LRBA: variants seen among roughly 807,000 people sequenced by gnomAD.
The protein encoded by LRBA is lipopolysaccharide-responsive and beige-like anchor protein.
Under a neutral mutation model 330.0 loss-of-function variants are expected in LRBA, and 176 were observed. The ratio of observed to expected loss-of-function variants is 0.53; its 90% confidence interval spans 0.47 to 0.60. The LOEUF (loss-of-function observed/expected upper bound fraction) is 0.60. LRBA is among the 20% of genes least tolerant of loss of function. The pLI is 0.00. For synonymous variants in LRBA, 1,230 were observed against 1,193.0 expected (o/e 1.03, Z -0.64); for missense variants, 3,259 against 3,444.8 (o/e 0.95, Z 1.35).
chr4:150,551,576 G>A (rs1766595106), intron 40 of LRBA, among the ~76,000 whole-genome samples: 1 of 152,126 alleles, frequency 6.6e-6, no homozygotes, highest in African/African-American at 2.4e-5. Flanking sequence ...CTACTCAGGG[G>A]AGGATCACTA....
chr4:150,612,099 C>T (rs2126581589), intron 37 of LRBA, among the ~76,000 whole-genome samples: 1 of 152,180 alleles, frequency 6.6e-6, no homozygotes, highest in African/African-American at 2.4e-5. Context: ...GATGGGGTTT[C>T]GCCCCTTTGC....
intron 50 of LRBA, among the ~76,000 whole-genome samples, chr4:150,317,506 C>A (rs1001994967): frequency 1.3e-5 from 2 of 152,084 alleles, no homozygotes; most frequent in East Asian, 1.9e-4. Context: ...TTAAAAAAAA[C>A]CCAAAAGGTA....
At chr4:150,958,282 C>T (rs1396001501) in intron 2 of LRBA, among the ~76,000 whole-genome samples, 3 of 149,042 alleles carry the variant, frequency 2.0e-5, no homozygotes, top group African/African-American at 7.8e-5. Context: ...CCCAAAGGCC[C>T]GACACCACAC....
intron 34 of LRBA, among the ~76,000 whole-genome samples, chr4:150,779,868 TAAAGA>T (rs1737928963): frequency 6.6e-6 from 1 of 152,140 alleles, no homozygotes; most frequent in Admixed American, 6.5e-5. Context: ...AATAAAAATC[TAAAGA>T]AAACAGATTA....
chr4:150,898,658 T>TAAG (rs5862942), intron 14 of LRBA, among the ~76,000 whole-genome samples: 136,846 of 151,884 alleles, frequency 0.9, 63,263 homozygotes, highest in East Asian at 1. Context: ...AAAAAAATAA[T>TAAG]AAGACTAGAG....
chr4:150,397,192 A>AT (rs1193907200), intron 47 of LRBA, among the ~76,000 whole-genome samples: 2 of 152,108 alleles, frequency 1.3e-5, no homozygotes, highest in Non-Finnish European at 2.9e-5. Context: ...AAATTTTCAT[A>AT]TTTTTTCTGA....
intron 36 of LRBA, among the ~76,000 whole-genome samples, chr4:150,701,420 A>C (rs1037897291): frequency 1.3e-5 from 2 of 152,232 alleles, no homozygotes; most frequent in South Asian, 4.1e-4. Flanking sequence ...ATTGTGCTGC[A>C]CTTTCATACG....
chr4:150,440,347 T>C (rs938032741), intron 44 of LRBA, among the ~76,000 whole-genome samples: 3 of 151,966 alleles, frequency 2.0e-5, no homozygotes, highest in Non-Finnish European at 4.4e-5. Context: ...TAAATAGAAT[T>C]ATAGAAGGTT....
At chr4:150,450,236 CA>C (rs1271991043) in intron 44 of LRBA, among the ~76,000 whole-genome samples, 5 of 152,182 alleles carry the variant, frequency 3.3e-5, no homozygotes, top group Non-Finnish European at 7.4e-5. Flanking sequence ...AAAAAAATAA[CA>C]ATTTGAAGAG....
intron 35 of LRBA, among the ~76,000 whole-genome samples, chr4:150,747,418 A>C (rs1446627331): frequency 5.9e-5 from 9 of 152,216 alleles, no homozygotes; most frequent in Non-Finnish European, 1.3e-4. Context: ...AACCATTTAT[A>C]ATTTATCTTT....
intron 40 of LRBA, among the ~76,000 whole-genome samples, chr4:150,559,398 TA>T (rs1283645934): frequency 6.6e-6 from 1 of 150,528 alleles, no homozygotes; most frequent in Non-Finnish European, 1.5e-5. Context: ...CCGTCTCTAC[TA>T]AAAATACAAA....
intron 2 of LRBA, 26 bp from the exon 3 acceptor site, chr4:150,929,091 T>A (rs1417079466): frequency 7.2e-7 from 1 of 1,383,170 alleles, no homozygotes; most frequent in Non-Finnish European, 1.0e-6. Context: ...AAAAAACACA[T>A]TAAAAGCATT....
At position 150,508,246 on chromosome 4, in the gene LRBA, G is replaced by C. The variant is rs1027094609; in HGVS notation, c.6331-17211C>G. Among the ~76,000 whole-genome samples, 55 of 137,998 alleles carry C rather than the reference G, an allele frequency of 4.0e-4. 1 individual carries two copies. Among genetic ancestry groups the C allele is most frequent in the African/African-American group, 1.2e-3 (46 of 38,066 alleles). The allele number at this position is 137,998 out of a possible 152,430, so 90.5% of individuals were successfully genotyped here. A position where few individuals can be genotyped will look rare whatever the true frequency, so the allele number is the denominator to read the frequency against. On this transcript the variant is annotated intron_variant, in intron 40 of 56. Transcript: ENST00000651943. ...TAATAAAATTTAAAAAAAAAGGGGGGGGGGGGGAGAAAAAGACATCACATG... is the reference window on the plus strand; with the variant it reads ...TAATAAAATTTAAAAAAAAAGGGGGCGGGGGGGAGAAAAAGACATCACATG...
intron 35 of LRBA, among the ~76,000 whole-genome samples, chr4:150,735,670 T>C (rs911553432): frequency 2.0e-5 from 3 of 152,134 alleles, no homozygotes; most frequent in Non-Finnish European, 4.4e-5. Flanking sequence ...CAGCCAAAAT[T>C]AACCAGTGAA....
chr4:150,535,275 A>AG (rs1199006716), intron 40 of LRBA, among the ~76,000 whole-genome samples: 1 of 152,126 alleles, frequency 6.6e-6, no homozygotes, highest in East Asian at 1.9e-4. Flanking sequence ...CCAGAACTAC[A>AG]GGCCCATGCC....
At chr4:150,914,411 T>G (rs1732348187) in intron 8 of LRBA, 70 bp from the exon 9 acceptor site, 1 of 1,092,910 alleles carries the variant, frequency 9.1e-7, no homozygotes, top group African/African-American at 1.6e-5. Flanking sequence ...AAAACCTATA[T>G]TATCATAAAT....
chr4:150,967,591 G>A (rs973194899), intron 2 of LRBA, among the ~76,000 whole-genome samples: 6 of 152,172 alleles, frequency 3.9e-5, no homozygotes, highest in Non-Finnish European at 5.9e-5. Flanking sequence ...GTTCTTTGCA[G>A]ATACAGCATT....
chr4:150,622,530 C>T (rs1246414302), intron 37 of LRBA, among the ~76,000 whole-genome samples: 1 of 151,988 alleles, frequency 6.6e-6, no homozygotes, highest in Non-Finnish European at 1.5e-5. Context: ...GAGGAAGACC[C>T]TGTCTATAAA....
rs75363328 is a variant in LRBA at position 150,999,854 on chromosome 4, C to T, written c.216+14573G>A. The stretch of plus-strand genomic sequence containing the variant: ...GGGGCTAGGGATGCAATAAGCAAAA[C>T]AGACAAAAATCTCTACTCTTATGAA... On this transcript the variant is annotated intron_variant, in intron 2 of 56. Coordinates refer to ENST00000651943, the MANE Select transcript of LRBA (RefSeq NM_001364905.1). Among the ~76,000 whole-genome samples, 628 of 152,182 alleles carry T rather than the reference C, an allele frequency of 4.1e-3. 2 individuals carry two copies. Among genetic ancestry groups the T allele is most frequent in the Non-Finnish European group, 7.4e-3 (500 of 68,000 alleles).
Sources: gnomAD v4.1 joint callset for allele counts (sites outside exome capture counted in the v4.1 genomes callset) on GRCh38, gnomAD v4.1.1 for gene constraint, MANE v1.5 for transcripts, NCBI Gene and HGNC (gene_info 2026-07-23, HGNC 2026-07-21) for gene names.